SMURF1: variants seen among roughly 807,000 people sequenced by gnomAD.
SMURF1 encodes E3 ubiquitin-protein ligase SMURF1.
SMURF1 carries 44 observed loss-of-function variants against 98.0 expected under a neutral mutation model. The ratio of observed to expected loss-of-function variants is 0.45; its 90% CI spans 0.35 to 0.58. SMURF1 has a LOEUF of 0.58. SMURF1 is among the 20% of genes least tolerant of loss of function. The pLI is 0.00. For synonymous variants in SMURF1, 396 were observed against 374.9 expected (o/e 1.06, Z -0.65); for missense variants, 687 against 938.4 (o/e 0.73, Z 3.50).
intron 1 of SMURF1, among the ~76,000 whole-genome samples, chr7:99,128,965 A>G (rs2150636792): frequency 6.6e-6 from 1 of 152,336 alleles, no homozygotes; most frequent in South Asian, 2.1e-4. Flanking sequence ...CTAGTGTTGC[A>G]ACACGAGGCC....
intron 6 of SMURF1, among the ~76,000 whole-genome samples, chr7:99,052,830 G>A (rs980421108): frequency 3.9e-5 from 6 of 152,180 alleles, no homozygotes; most frequent in African/African-American, 2.4e-5. Context: ...TTGGGACGCC[G>A]AAGTGGGCAG....
At chr7:99,089,133 G>T (rs1053975226) in intron 1 of SMURF1, among the ~76,000 whole-genome samples, 6 of 151,742 alleles carry the variant, frequency 4.0e-5, no homozygotes, top group Non-Finnish European at 7.4e-5. Context: ...GAACCTGGGA[G>T]GCGGAGGTTG....
intron 1 of SMURF1, among the ~76,000 whole-genome samples, chr7:99,119,921 T>C (rs1285786311): frequency 6.6e-6 from 1 of 152,218 alleles, no homozygotes; most frequent in Non-Finnish European, 1.5e-5. Flanking sequence ...GTTTAACTCA[T>C]GGTGATACGG....
At chr7:99,087,638 G>A (rs545051452) in intron 1 of SMURF1, among the ~76,000 whole-genome samples, 172 of 152,302 alleles carry the variant, frequency 1.1e-3, no homozygotes, top group Non-Finnish European at 1.9e-3. Context: ...AGACAAAAAT[G>A]CATCAGCAAG....
chr7:99,028,249 G>A lies in SMURF1; in HGVS notation c.*2335C>T, dbSNP rs1002417937. 6.6e-6 allele frequency: 1 copy of A among 152,584 alleles called. No homozygotes were observed. The highest frequency in any genetic ancestry group is 1.9e-4 in the East Asian group (1 of 5,190). 9.5% of individuals were successfully genotyped at this position (152,584 alleles called of 1,614,324 possible). The stretch of plus-strand genomic sequence containing the variant: ...TTTGCCATGTTGAGTTCTTTGGGGT[G>A]GTTCAAAAGGACCAAACAAACCATC... On this transcript the variant is annotated 3_prime_UTR_variant, in exon 18 of 18. Coordinates refer to ENST00000361368, the MANE Select transcript of SMURF1 (RefSeq NM_181349.3).
intron 1 of SMURF1, among the ~76,000 whole-genome samples, chr7:99,134,217 T>C (rs1797936156): frequency 6.6e-6 from 1 of 152,032 alleles, no homozygotes; most frequent in Non-Finnish European, 1.5e-5. Flanking sequence ...GAGCAATTTG[T>C]TTATTTTTCT....
intron 1 of SMURF1, among the ~76,000 whole-genome samples, chr7:99,135,331 T>C (rs535416841): frequency 6.6e-6 from 1 of 152,090 alleles, no homozygotes; most frequent in African/African-American, 2.4e-5. Flanking sequence ...TTCTCTCTTT[T>C]CTCTCCTCTC....
At chr7:99,073,173 C>T (rs1232339527) in intron 1 of SMURF1, among the ~76,000 whole-genome samples, 1 of 151,634 alleles carries the variant, frequency 6.6e-6, no homozygotes, top group Admixed American at 6.6e-5. Flanking sequence ...GTCAGGAGCT[C>T]GAGACCAGCC....
chr7:99,056,787 G>A lies in SMURF1; in HGVS notation c.403+418C>T, dbSNP rs143540119. ...GGAGGCCAAGGCGGGCAGATCACTC[G>A]AGGTCAGGAAATCGAGACCAGCCTG... On this transcript the variant is annotated intron_variant, in intron 5 of 17. Transcript: ENST00000361368. Among the ~76,000 whole-genome samples, 727 of 152,196 alleles carry A rather than the reference G, an allele frequency of 4.8e-3. 5 individuals carry two copies. Among genetic ancestry groups the A allele is most frequent in the African/African-American group, 0.017 (699 of 41,530 alleles).
rs1340051211 is a variant in SMURF1, at chr7:99,027,728, CAAAAAT to C, written c.*2850_*2855del. 3 of 152,658 alleles carry C rather than the reference CAAAAAT, an allele frequency of 2.0e-5. No individual in the cohort carries two copies. Among genetic ancestry groups the C allele is most frequent in the Admixed American group, 6.5e-5 (1 of 15,300 alleles). 9.5% of individuals were successfully genotyped at this position (152,658 alleles called of 1,614,324 possible). A position where few individuals can be genotyped will look rare whatever the true frequency, so the allele number is the denominator to read the frequency against. ...AATACGTTATAAAGTGGTTGAGAAA[CAAAAAT>C]AAACACATTTTTAAAATCCATACTA... On this transcript the variant is annotated 3_prime_UTR_variant, in exon 18 of 18. Coordinates refer to ENST00000361368, the MANE Select transcript of SMURF1 (RefSeq NM_181349.3).
chr7:99,070,775 A>C (rs1274919536), intron 1 of SMURF1, among the ~76,000 whole-genome samples: 2 of 152,066 alleles, frequency 1.3e-5, no homozygotes, highest in African/African-American at 4.8e-5. Flanking sequence ...GCGCTTGATC[A>C]ATGTTTGTTG....
chr7:99,042,269 TA>T, intron 11 of SMURF1, 37 bp from the exon 12 acceptor site: 2 of 1,323,790 alleles, frequency 1.5e-6, no homozygotes, highest in Middle Eastern at 1.8e-4. Flanking sequence ...TGAGACGCGC[TA>T]AAATTTCTAC....
At chr7:99,130,223 C>T (rs1272623742) in intron 1 of SMURF1, among the ~76,000 whole-genome samples, 4 of 152,144 alleles carry the variant, frequency 2.6e-5, no homozygotes, top group Non-Finnish European at 2.9e-5. Flanking sequence ...GAGGCTGAGG[C>T]GGGCCAATCA....
intron 1 of SMURF1, among the ~76,000 whole-genome samples, chr7:99,108,381 G>A (rs939557492): frequency 4.6e-5 from 7 of 151,560 alleles, no homozygotes; most frequent in Admixed American, 2.0e-4. Flanking sequence ...AGGCCGAGGC[G>A]GGCAGATTAC....
chr7:99,043,675 T>A (rs1563001904), intron 11 of SMURF1, among the ~76,000 whole-genome samples: 1 of 152,228 alleles, frequency 6.6e-6, no homozygotes, highest in East Asian at 1.9e-4. Flanking sequence ...TGGCACATAT[T>A]TACAGAGACA....
intron 1 of SMURF1, among the ~76,000 whole-genome samples, chr7:99,138,712 C>A: frequency 1.3e-5 from 2 of 149,770 alleles, no homozygotes; most frequent in African/African-American, 2.5e-5. Context: ...TTGGGTGGGC[C>A]AAGAAGATTA....
rs552789076 is a variant in SMURF1 at position 99,108,982 on chromosome 7, G to A, written c.55+34744C>T. Among the ~76,000 whole-genome samples, 43 of 152,246 alleles carry A rather than the reference G, an allele frequency of 2.8e-4. No homozygotes were observed. In the South Asian group the frequency reaches 7.5e-3, roughly 26 times the overall value. The stretch of plus-strand genomic sequence containing the variant: ...TTAAGGGAATAGCATGATTCCTGAT[G>A]TGCAGTTATTTACCCACGTTCTTTC... On this transcript the variant is annotated intron_variant, in intron 1 of 17. Coordinates refer to ENST00000361368, the MANE Select transcript of SMURF1 (RefSeq NM_181349.3).
In SMURF1 at chr7:99,101,657, C is replaced by T. The variant is rs528744800; in HGVS notation, c.56-39820G>A. 6.6e-5 allele frequency among the ~76,000 whole-genome samples: 10 copies of T among 152,248 alleles called. No homozygotes were observed. In the South Asian group the frequency reaches 1.9e-3, roughly 28 times the overall value. On this transcript the variant is annotated intron_variant, in intron 1 of 17. Transcript: ENST00000361368. ...CCTCAAGGGAAAAAAATGATACACACGGCCGGGCATGGTGGCTCACGCCTG... is the reference window on the plus strand; with the variant it reads ...CCTCAAGGGAAAAAAATGATACACATGGCCGGGCATGGTGGCTCACGCCTG...
intron 17 of SMURF1, among the ~76,000 whole-genome samples, chr7:99,031,950 C>A (rs1377956835): frequency 6.6e-6 from 1 of 152,178 alleles, no homozygotes; most frequent in Non-Finnish European, 1.5e-5. Flanking sequence ...GTAAACCATA[C>A]AGGAAATAAT....
Sources: gnomAD v4.1 joint callset for allele counts (sites outside exome capture counted in the v4.1 genomes callset) on GRCh38, gnomAD v4.1.1 for gene constraint, MANE v1.5 for transcripts, NCBI Gene and HGNC (gene_info 2026-07-23, HGNC 2026-07-21) for gene names.